PDGFD: variants seen among roughly 807,000 people sequenced by gnomAD.
The protein encoded by PDGFD is platelet derived growth factor D.
Under a neutral mutation model 44.7 loss-of-function variants are expected in PDGFD, and 30 were observed. The ratio of observed to expected loss-of-function variants is 0.67; its 90% confidence interval spans 0.50 to 0.91. The LOEUF (loss-of-function observed/expected upper bound fraction) is 0.91, where lower values mean the gene tolerates loss of function less well. Ranked by LOEUF, PDGFD falls within the 40% of genes least tolerant of loss-of-function variation. PDGFD has a pLI of 0.00. For missense variants in PDGFD, 445 were observed against 457.8 expected (o/e 0.97, Z 0.25); for synonymous variants, 173 against 168.4 (o/e 1.03, Z -0.21).
At chr11:104,059,039 A>G (rs1420811068) in intron 1 of PDGFD, among the ~76,000 whole-genome samples, 4 of 152,226 alleles carry the variant, frequency 2.6e-5, no homozygotes, top group Non-Finnish European at 5.9e-5. Flanking sequence ...GGTGACAAAA[A>G]TATTACAGAT....
chr11:104,152,453 G>A (rs946834072), intron 1 of PDGFD, among the ~76,000 whole-genome samples: 2 of 151,978 alleles, frequency 1.3e-5, no homozygotes, highest in Non-Finnish European at 2.9e-5. Context: ...AACCAAAGAT[G>A]CATTAATTTT....
chr11:103,920,826 T>C (rs1043658627), intron 6 of PDGFD, among the ~76,000 whole-genome samples: 4 of 152,244 alleles, frequency 2.6e-5, no homozygotes, highest in African/African-American at 9.6e-5. Context: ...ACATTTACTG[T>C]TCTGGATCAT....
Position 104,120,451 on chromosome 11 carries a change from C to T in PDGFD, c.124+43353G>A, listed in dbSNP as rs969174996. Among the ~76,000 whole-genome samples the T allele has an allele frequency of 2.6e-4, 40 of 151,852 alleles. 1 individual carries two copies. The highest frequency in any genetic ancestry group is 8.5e-4 in the African/African-American group (35 of 41,398). ...CCTAGTTTAAAAATCTTTAGTGTGACCCTATTACAGAATAGCATAAGTTCA... is the reference window on the plus strand; with the variant it reads ...CCTAGTTTAAAAATCTTTAGTGTGATCCTATTACAGAATAGCATAAGTTCA... On this transcript the variant is annotated intron_variant, in intron 1 of 6. Transcript: ENST00000393158.
intron 3 of PDGFD, among the ~76,000 whole-genome samples, chr11:103,984,832 ATAT>A (rs1416697542): frequency 7.0e-6 from 1 of 143,198 alleles, no homozygotes; most frequent in Non-Finnish European, 1.5e-5. Context: ...AATATATAAT[ATAT>A]TAATTTATTT....
In PDGFD at chr11:104,158,301, C is replaced by T. The variant is rs149330409; in HGVS notation, c.124+5503G>A. Among the ~76,000 whole-genome samples the T allele has an allele frequency of 8.5e-5, 13 of 152,332 alleles. No individual in the cohort carries two copies. The East Asian group carries it at 1.7e-3, about 20-fold the overall frequency. On this transcript the variant is annotated intron_variant, in intron 1 of 6. Transcript: ENST00000393158. ...AAGGGGTGGAGAAGCTGAAGCTACA[C>T]GTGTTCAGCCTCCTTGGTAGCTGTG...
Position 103,978,732 on chromosome 11 carries a change from C to A in PDGFD, c.510+17333G>T, listed in dbSNP as rs144780877. Among the ~76,000 whole-genome samples, 607 of 152,088 alleles carry A rather than the reference C, an allele frequency of 4.0e-3. 6 individuals are homozygous for A. Among genetic ancestry groups the A allele is most frequent in the African/African-American group, 0.014 (573 of 41,508 alleles). On this transcript the variant is annotated intron_variant, in intron 3 of 6. Transcript: ENST00000393158. The stretch of plus-strand genomic sequence containing the variant: ...ATATAGCTGAACTGAAAATTTAATT[C>A]TTTTAGAAAGATATACTAACTGTCT...
chr11:104,115,963 G>A (rs1861631250), intron 1 of PDGFD, among the ~76,000 whole-genome samples: 1 of 152,014 alleles, frequency 6.6e-6, no homozygotes, highest in Admixed American at 6.6e-5. Flanking sequence ...TATAGATTGT[G>A]AAGGTTTTCT....
At chr11:103,937,239 A>C (rs1858503800) in intron 5 of PDGFD, among the ~76,000 whole-genome samples, 1 of 152,200 alleles carries the variant, frequency 6.6e-6, no homozygotes, top group Admixed American at 6.6e-5. Context: ...TTAATTTGGA[A>C]CACCCCAATA....
intron 5 of PDGFD, among the ~76,000 whole-genome samples, chr11:103,936,892 C>T (rs1858497140): frequency 6.6e-6 from 1 of 151,698 alleles, no homozygotes; most frequent in South Asian, 2.1e-4. Flanking sequence ...GTGGTGCAGT[C>T]ACAGCCCATG....
chr11:104,111,824 G>A (rs755037351), intron 1 of PDGFD, among the ~76,000 whole-genome samples: 3 of 152,078 alleles, frequency 2.0e-5, no homozygotes, highest in South Asian at 4.1e-4. Context: ...AATTAAGCAC[G>A]GTTATAAGTC....
intron 2 of PDGFD, 29 bp downstream of exon 2, chr11:104,000,019 ATAG>A (rs1482902298): frequency 6.4e-7 from 1 of 1,553,662 alleles, no homozygotes; most frequent in Admixed American, 1.7e-5. Flanking sequence ...TCACCTTGAA[ATAG>A]TACCGTAAAA....
At chr11:104,120,190 G>T (rs1861751759) in intron 1 of PDGFD, among the ~76,000 whole-genome samples, 1 of 150,968 alleles carries the variant, frequency 6.6e-6, no homozygotes, top group East Asian at 1.9e-4. Flanking sequence ...GTATAGCATT[G>T]CCCCTTACAT....
chr11:104,153,092 C>G (rs75766646), intron 1 of PDGFD, among the ~76,000 whole-genome samples: 5,409 of 151,414 alleles, frequency 0.036, 133 homozygotes, highest in East Asian at 0.11. Context: ...AAGTTTCTAT[C>G]TTTATGACCT....
intron 3 of PDGFD, among the ~76,000 whole-genome samples, chr11:103,958,974 A>G (rs989865092): frequency 6.6e-6 from 1 of 152,216 alleles, no homozygotes; most frequent in African/African-American, 2.4e-5. Context: ...TTTGAAGTCT[A>G]AAAGCCAAAG....
At chr11:103,964,892 A>C (rs1318692760) in intron 3 of PDGFD, among the ~76,000 whole-genome samples, 1 of 151,952 alleles carries the variant, frequency 6.6e-6, no homozygotes, top group Non-Finnish European at 1.5e-5. Flanking sequence ...ACTTTTCATA[A>C]TATTCCAGTC....
chr11:104,137,905 A>G (rs796325359), intron 1 of PDGFD, among the ~76,000 whole-genome samples: 4 of 151,752 alleles, frequency 2.6e-5, no homozygotes, highest in African/African-American at 9.7e-5. Flanking sequence ...TCCCAGACAC[A>G]CCCTTATATG....
chr11:104,005,735 C>G (rs571514073), intron 1 of PDGFD, among the ~76,000 whole-genome samples: 4 of 152,190 alleles, frequency 2.6e-5, no homozygotes, highest in African/African-American at 4.8e-5. Flanking sequence ...AAACTTGTGA[C>G]CTCAGGCACA....
At chr11:104,026,100 T>C (rs900379152) in intron 1 of PDGFD, among the ~76,000 whole-genome samples, 2 of 152,196 alleles carry the variant, frequency 1.3e-5, no homozygotes, top group African/African-American at 4.8e-5. Flanking sequence ...GCTGTAACAC[T>C]ATCTTCTCCT....
rs113735676 is a variant in PDGFD, at chr11:103,956,812, G to A, written c.511-9088C>T. On this transcript the variant is annotated intron_variant, in intron 3 of 6. Coordinates refer to ENST00000393158, the MANE Select transcript of PDGFD (RefSeq NM_025208.5). ...TTGATTTGCATTTCTCTGATGGCCA[G>A]TGATGGTGAACATTTTTTCATGTGT... 8.5e-3 allele frequency among the ~76,000 whole-genome samples: 1,302 copies of A among 152,284 alleles called. 19 individuals carry two copies. The highest frequency in any genetic ancestry group is 0.03 in the African/African-American group (1,245 of 41,542).
Sources: gnomAD v4.1 joint callset for allele counts (sites outside exome capture counted in the v4.1 genomes callset) on GRCh38, gnomAD v4.1.1 for gene constraint, MANE v1.5 for transcripts, NCBI Gene and HGNC (gene_info 2026-07-23, HGNC 2026-07-21) for gene names.